The following NXPE2 variants were observed in gnomAD, a reference collection of about 807,000 sequenced individuals.
The protein encoded by NXPE2 is neurexophilin and PC-esterase domain family member 2.
Under a neutral mutation model 34.4 loss-of-function variants are expected in NXPE2, and 34 were observed. The ratio of observed to expected loss-of-function variants is 0.99; its 90% CI spans 0.75 to 1.31. The LOEUF (loss-of-function observed/expected upper bound fraction) is 1.31, where lower values mean the gene tolerates loss of function less well. Ranked by LOEUF, NXPE2 falls within the 40% of genes most tolerant of loss-of-function variation. The probability of loss-of-function intolerance (pLI) is 0.00; values close to 1 mark genes in which losing one functional copy is unlikely to be tolerated. For missense variants in NXPE2, 649 were observed against 672.5 expected (o/e 0.97, Z 0.39); for synonymous variants, 235 against 231.3 (o/e 1.02, Z -0.15).
chr11:114,622,605 G>A, the NXPE2 span, among the ~76,000 whole-genome samples: 3 of 151,820 alleles, frequency 2.0e-5, no homozygotes, highest in South Asian at 6.3e-4. Flanking sequence ...ATTACCTCGT[G>A]GGTAAACACT....
At chr11:114,624,508 GGAT>G in the NXPE2 span, among the ~76,000 whole-genome samples, 1 of 151,754 alleles carries the variant, frequency 6.6e-6, no homozygotes. Flanking sequence ...GTTGCCCACT[GGAT>G]AATAATTATT....
At chr11:114,566,502 C>A in the NXPE2 span, among the ~76,000 whole-genome samples, 1 of 152,166 alleles carries the variant, frequency 6.6e-6, no homozygotes, top group Non-Finnish European at 1.5e-5. Flanking sequence ...AAAGAAGTAG[C>A]CATTGGATTT....
chr11:114,599,823 C>T, the NXPE2 span, among the ~76,000 whole-genome samples: 3 of 152,108 alleles, frequency 2.0e-5, no homozygotes, highest in African/African-American at 4.8e-5. Context: ...GATCCAATTA[C>T]GTCCTACCAG....
chr11:114,666,189 T>C, the NXPE2 span, among the ~76,000 whole-genome samples: 4 of 152,180 alleles, frequency 2.6e-5, no homozygotes, highest in African/African-American at 9.6e-5. Context: ...TTCCCCATTT[T>C]GCTTTTTTGA....
At chr11:114,622,819 A>C in the NXPE2 span, among the ~76,000 whole-genome samples, 5 of 151,908 alleles carry the variant, frequency 3.3e-5, no homozygotes, top group Admixed American at 3.3e-4. Flanking sequence ...ATGGGTTACC[A>C]CTCTTACCCA....
At position 114,706,444 on chromosome 11, in the gene NXPE2, T is replaced by A; in HGVS notation, c.1194T>A (p.Val398=). The stretch of plus-strand genomic sequence containing the variant: ...GAGCTGGGATCTTTAAAACACATGT[T>A]CTTCTGGATGTTGAAAGACATATTT... ...HHGAGIFKTH[V]LLDVERHILI... Residue 398 remains valine, a synonymous_variant, in exon 6 of 6, where the codon GTT becomes GTA. Coordinates refer to ENST00000389586, the MANE Select transcript of NXPE2 (RefSeq NM_182495.6). 1 of 1,551,348 alleles carries A rather than the reference T, an allele frequency of 6.4e-7. No individual in the cohort carries two copies. Among genetic ancestry groups the A allele is most frequent in the Non-Finnish European group, 8.7e-7 (1 of 1,146,754 alleles).
the NXPE2 span, among the ~76,000 whole-genome samples, chr11:114,607,194 C>G: frequency 1.5e-4 from 23 of 150,782 alleles, no homozygotes; most frequent in Non-Finnish European, 2.4e-4. Flanking sequence ...GGTGACAATT[C>G]TTACCCTGTG....
downstream of NXPE2, among the ~76,000 whole-genome samples, chr11:114,709,056 C>T (rs557986525): frequency 2.0e-5 from 3 of 152,262 alleles, no homozygotes; most frequent in East Asian, 3.9e-4. Flanking sequence ...AAAAGAGGGT[C>T]TATTATTTCT....
the NXPE2 span, among the ~76,000 whole-genome samples, chr11:114,798,982 G>T: frequency 6.6e-6 from 1 of 152,164 alleles, no homozygotes; most frequent in Non-Finnish European, 1.5e-5. Flanking sequence ...ACTCCTTGCC[G>T]CTCTCACTAG....
In NXPE2 at chr11:114,706,634, T is replaced by A; in HGVS notation, c.1384T>A (p.Phe462Ile). The A allele has an allele frequency of 2.6e-6, 4 of 1,551,924 alleles. No homozygotes were observed. Among genetic ancestry groups the A allele is most frequent in the Non-Finnish European group, 3.5e-6 (4 of 1,147,000 alleles). ...CTTCAGACCCTTTCCCATCAACATT[T>A]TCATCCGTAGGGCCATCAATATTCA... Reference protein sequence around the residue: ...QHFRPFPINIFIRRAINIQKA... With the variant: ...QHFRPFPINIIIRRAINIQKA... Residue 462 changes from phenylalanine to isoleucine, a missense_variant, in exon 6 of 6, where the codon TTC becomes ATC. Transcript: ENST00000389586.
At chr11:114,494,085 A>G in the NXPE2 span, among the ~76,000 whole-genome samples, 1 of 152,072 alleles carries the variant, frequency 6.6e-6, no homozygotes, top group African/African-American at 2.4e-5. Context: ...AGAGCTCCAT[A>G]ATATGTTACT....
the NXPE2 span, chr11:114,583,797 G>T: frequency 2.1e-5 from 9 of 438,620 alleles, no homozygotes; most frequent in Non-Finnish European, 3.6e-5. Flanking sequence ...CATGATGATG[G>T]CATGGAAGAG....
At chr11:114,644,623 A>C in the NXPE2 span, among the ~76,000 whole-genome samples, 1 of 152,200 alleles carries the variant, frequency 6.6e-6, no homozygotes, top group Non-Finnish European at 1.5e-5. Context: ...AGGACATGAA[A>C]GAAGGCATGA....
the NXPE2 span, among the ~76,000 whole-genome samples, chr11:114,485,383 C>CTTT: frequency 0.09 from 8,042 of 89,118 alleles, 656 homozygotes; most frequent in East Asian, 0.2. Context: ...TAATTTTTGT[C>CTTT]TTTTTTTTTT....
chr11:114,812,997 G>A, the NXPE2 span, among the ~76,000 whole-genome samples: 182 of 152,262 alleles, frequency 1.2e-3, no homozygotes, highest in African/African-American at 4.2e-3. Context: ...GAGGCCGGCA[G>A]CGAGGTGCCC....
At chr11:114,662,701 C>T in the NXPE2 span, among the ~76,000 whole-genome samples, 1 of 152,062 alleles carries the variant, frequency 6.6e-6, no homozygotes, top group Non-Finnish European at 1.5e-5. Context: ...ATTTAGGATA[C>T]CAGCTCAGTC....
At chr11:114,798,237 C>A in the NXPE2 span, among the ~76,000 whole-genome samples, 192 of 152,154 alleles carry the variant, frequency 1.3e-3, no homozygotes, top group Admixed American at 4.1e-3. Context: ...AGCACAAAAA[C>A]CCCAAAATTT....
At chr11:114,481,115 C>T in the NXPE2 span, among the ~76,000 whole-genome samples, 779 of 152,278 alleles carry the variant, frequency 5.1e-3, 4 homozygotes, top group South Asian at 9.1e-3. Context: ...GTTTAACCCT[C>T]AGGACCAGGT....
At chr11:114,643,737 A>C in the NXPE2 span, among the ~76,000 whole-genome samples, 4 of 151,808 alleles carry the variant, frequency 2.6e-5, no homozygotes, top group South Asian at 6.2e-4. Context: ...TCTTGGCTAT[A>C]TGGGCTCTTT....
Sources: allele counts gnomAD v4.1 joint callset (sites outside exome capture counted in the v4.1 genomes callset), GRCh38; gene constraint gnomAD v4.1.1; transcripts MANE v1.5; gene names NCBI Gene and HGNC (gene_info 2026-07-23, HGNC 2026-07-21).